The following HYAL4 variants were observed in gnomAD, a reference collection of about 807,000 sequenced individuals.
HYAL4 encodes hyaluronidase 4.
HYAL4 carries 37 observed loss-of-function variants against 35.2 expected under a neutral mutation model. The observed-to-expected ratio is 1.05, with a 90% CI of 0.81 to 1.38. The LOEUF (loss-of-function observed/expected upper bound fraction) is 1.38. Ranked by LOEUF, HYAL4 falls within the 40% of genes most tolerant of loss-of-function variation. The pLI, the probability that HYAL4 is intolerant of heterozygous loss-of-function variation, is 0.00. For synonymous variants in HYAL4, 198 were observed against 203.2 expected (o/e 0.97, Z 0.22); for missense variants, 572 against 572.4 (o/e 1.00, Z 0.01).
At chr7:123,800,737 A>G in the HYAL4 span, among the ~76,000 whole-genome samples, 1 of 151,290 alleles carries the variant, frequency 6.6e-6, no homozygotes, top group African/African-American at 2.4e-5. Context: ...GCTCAGTGCA[A>G]CCTCTGCCTC....
At chr7:123,807,914 A>AATTATTATTATT in the HYAL4 span, among the ~76,000 whole-genome samples, 7,622 of 136,466 alleles carry the variant, frequency 0.056, 306 homozygotes, top group Admixed American at 0.13. Context: ...TTAGCTGGAT[A>AATTATTATTATT]ATTATTATTA....
the HYAL4 span, among the ~76,000 whole-genome samples, chr7:123,787,128 GAAAA>G: frequency 3.1e-5 from 4 of 128,912 alleles, no homozygotes; most frequent in Non-Finnish European, 6.6e-5. Flanking sequence ...AAAAAAAAAA[GAAAA>G]AGAAAAAAAA....
In HYAL4 at chr7:123,869,042, G is replaced by C; in HGVS notation, c.769G>C (p.Ala257Pro). ...ELSWLWNSSA[A>P]LYPSIGVWKS... ...CTCTTGGCTCTGGAACAGCAGTGCT[G>C]CTTTATATCCTTCTATCGGTGTCTG... Residue 257 changes from alanine (A) to proline (P), a missense_variant, in exon 3 of 5, where the codon GCT becomes CCT. By Grantham distance (27) the Ala-to-Pro change is conservative. Transcript: ENST00000223026. 1 of 1,614,208 alleles carries C rather than the reference G, an allele frequency of 6.2e-7. No homozygotes were observed. Among genetic ancestry groups the C allele is most frequent in the Non-Finnish European group, 8.5e-7 (1 of 1,180,036 alleles).
At chr7:123,861,231 T>C (rs1362730819) in intron 2 of HYAL4, among the ~76,000 whole-genome samples, 1 of 152,132 alleles carries the variant, frequency 6.6e-6, no homozygotes. Context: ...ACACTCCTAA[T>C]CAATGGCTTG....
the HYAL4 span, among the ~76,000 whole-genome samples, chr7:123,823,722 A>G: frequency 1.1e-5 from 1 of 87,572 alleles, no homozygotes; most frequent in African/African-American, 7.3e-5. Flanking sequence ...ATATACACAT[A>G]TATATTTTAT....
At chr7:123,872,125 C>T (rs1287074389) in intron 3 of HYAL4, among the ~76,000 whole-genome samples, 2 of 152,074 alleles carry the variant, frequency 1.3e-5, no homozygotes, top group South Asian at 2.1e-4. Flanking sequence ...ATATTTTACC[C>T]AACAGGTCAT....
At chr7:123,844,973 C>T (rs547168033), upstream of HYAL4, 1 of 152,358 alleles carries the variant, frequency 6.6e-6, no homozygotes, top group East Asian at 1.9e-4. Context: ...CAATCTCTTA[C>T]ACTTCCTGGG....
At chr7:123,773,957 G>C in the HYAL4 span, among the ~76,000 whole-genome samples, 1 of 151,118 alleles carries the variant, frequency 6.6e-6, no homozygotes, top group East Asian at 2.0e-4. Context: ...CAGTCTGCTA[G>C]GCAGTGGGGG....
chr7:123,768,256 C>T, the HYAL4 span, among the ~76,000 whole-genome samples: 1 of 152,110 alleles, frequency 6.6e-6, no homozygotes, highest in Non-Finnish European at 1.5e-5. Flanking sequence ...AATCAAATTG[C>T]CATTATTAAA....
chr7:123,871,122 C>A (rs1207919283), intron 3 of HYAL4, among the ~76,000 whole-genome samples: 4 of 151,856 alleles, frequency 2.6e-5, no homozygotes, highest in Non-Finnish European at 5.9e-5. Flanking sequence ...GAGTGGCAAG[C>A]TATTTCCAAG....
At chr7:123,799,451 A>T in the HYAL4 span, among the ~76,000 whole-genome samples, 1 of 150,002 alleles carries the variant, frequency 6.7e-6, no homozygotes, top group African/African-American at 2.4e-5. Context: ...ATAAAATTAA[A>T]TTATAAATTA....
chr7:123,809,378 C>CT, the HYAL4 span, among the ~76,000 whole-genome samples: 2 of 146,878 alleles, frequency 1.4e-5, no homozygotes, highest in African/African-American at 5.0e-5. Flanking sequence ...TTCTTTCTTT[C>CT]TTTTTTTTCT....
the HYAL4 span, among the ~76,000 whole-genome samples, chr7:123,766,475 C>T: frequency 1.3e-5 from 2 of 151,558 alleles, no homozygotes; most frequent in Admixed American, 6.6e-5. Context: ...TTTTTCTTTT[C>T]GTTAAATTAG....
At chr7:123,795,614 T>C in the HYAL4 span, among the ~76,000 whole-genome samples, 1 of 152,204 alleles carries the variant, frequency 6.6e-6, no homozygotes, top group African/African-American at 2.4e-5. Flanking sequence ...TGCCACCCTG[T>C]GAAGAAGGAT....
the HYAL4 span, among the ~76,000 whole-genome samples, chr7:123,791,425 T>A: frequency 6.6e-6 from 1 of 152,228 alleles, no homozygotes; most frequent in South Asian, 2.1e-4. Flanking sequence ...ATACAAGAGA[T>A]GGTATGCTTC....
At chr7:123,816,577 C>T in the HYAL4 span, among the ~76,000 whole-genome samples, 1 of 152,102 alleles carries the variant, frequency 6.6e-6, no homozygotes, top group African/African-American at 2.4e-5. Context: ...AAGCCTTGTT[C>T]ATTGCTTTCC....
At chr7:123,811,835 T>G in the HYAL4 span, among the ~76,000 whole-genome samples, 16 of 151,974 alleles carry the variant, frequency 1.1e-4, no homozygotes, top group African/African-American at 3.1e-4. Flanking sequence ...TTATACCTTT[T>G]TTGTTGTTGT....
chr7:123,815,048 T>A, the HYAL4 span: 40 of 152,686 alleles, frequency 2.6e-4, no homozygotes, highest in African/African-American at 8.9e-4. Flanking sequence ...AAAAGCACAG[T>A]CACTCACATT....
At position 123,868,414 on chromosome 7, in the gene HYAL4, T is replaced by C. The variant is rs1396592195; in HGVS notation, c.141T>C (p.Pro47=). The C allele has an allele frequency of 6.2e-7, 1 of 1,612,984 alleles. No individual in the cohort carries two copies. The highest frequency in any genetic ancestry group is 2.2e-5 in the East Asian group (1 of 44,888). ...GACTTCCAATTTATCAAAGGAAACC[T>C]TTTATAGCTGCTTGGAATGCTCCAA... ...PARLPIYQRK[P]FIAAWNAPTD... is the part of the protein sequence containing the mutation. The change falls in exon 3 of 5, where the codon CCT becomes CCC. Residue 47 remains proline, a synonymous_variant. Transcript: ENST00000223026.
Sources: allele counts gnomAD v4.1 joint callset (sites outside exome capture counted in the v4.1 genomes callset), GRCh38; gene constraint gnomAD v4.1.1; transcripts MANE v1.5; gene names NCBI Gene and HGNC (gene_info 2026-07-23, HGNC 2026-07-21).